MAP7: variants seen among roughly 807,000 people sequenced by gnomAD.
MAP7 encodes the protein ensconsin.
MAP7 carries 52 observed loss-of-function variants against 94.8 expected under a neutral mutation model. The observed-to-expected ratio is 0.55, with a 90% confidence interval of 0.44 to 0.69. MAP7 has a LOEUF of 0.69. Ranked by LOEUF, MAP7 falls within the 30% of genes least tolerant of loss-of-function variation. The probability of loss-of-function intolerance (pLI) is 0.00; values close to 1 mark genes in which losing one functional copy is unlikely to be tolerated. For synonymous variants in MAP7, 350 were observed against 357.0 expected, an observed-to-expected ratio of 0.98 and a Z score of 0.22; for missense variants, 940 against 964.6, an observed-to-expected ratio of 0.97 and a Z score of 0.34.
chr6:136,467,892 C>T (rs1807632111), intron 1 of MAP7, among the ~76,000 whole-genome samples: 1 of 152,154 alleles, frequency 6.6e-6, no homozygotes, highest in Non-Finnish European at 1.5e-5. Flanking sequence ...CTGAACTAGC[C>T]CCTTTGAGCA....
intron 16 of MAP7, among the ~76,000 whole-genome samples, chr6:136,347,909 TAC>T (rs1582624866): frequency 6.6e-6 from 1 of 152,168 alleles, no homozygotes; most frequent in East Asian, 1.9e-4. Flanking sequence ...TGAAATATTA[TAC>T]AGTGTGATGA....
chr6:136,378,775 A>G (rs1776945717), intron 6 of MAP7, among the ~76,000 whole-genome samples: 1 of 152,270 alleles, frequency 6.6e-6, no homozygotes, highest in South Asian at 2.1e-4. Flanking sequence ...GTGATGGCTC[A>G]TGAAAAGATA....
intron 1 of MAP7, among the ~76,000 whole-genome samples, chr6:136,430,257 T>G (rs1194530349): frequency 2.0e-5 from 3 of 152,234 alleles, no homozygotes; most frequent in Admixed American, 1.3e-4. Context: ...GAGGGTGTTT[T>G]TACTTGAATA....
chr6:136,534,234 G>C (rs1407204093), intron 1 of MAP7, among the ~76,000 whole-genome samples: 1 of 152,192 alleles, frequency 6.6e-6, no homozygotes, highest in African/African-American at 2.4e-5. Context: ...TGCTGCCACT[G>C]TGGGGACAAA....
chr6:136,419,991 C>T, intron 2 of MAP7: 2 of 750,110 alleles, frequency 2.7e-6, no homozygotes, highest in South Asian at 1.4e-5. Flanking sequence ...CTGCAAAGGA[C>T]TGTTGTGACT....
At chr6:136,478,342 G>A (rs868560995) in intron 1 of MAP7, among the ~76,000 whole-genome samples, 7 of 152,032 alleles carry the variant, frequency 4.6e-5, no homozygotes, top group African/African-American at 9.7e-5. Context: ...CACCATTTTC[G>A]GAGGCCAAGG....
intron 1 of MAP7, among the ~76,000 whole-genome samples, chr6:136,539,343 G>A (rs1414724990): frequency 6.6e-6 from 1 of 152,156 alleles, no homozygotes; most frequent in Non-Finnish European, 1.5e-5. Flanking sequence ...TGGAACCCAG[G>A]CAGCCAGACT....
At chr6:136,486,138 A>G (rs1007843458) in intron 1 of MAP7, among the ~76,000 whole-genome samples, 1 of 152,214 alleles carries the variant, frequency 6.6e-6, no homozygotes, top group Non-Finnish European at 1.5e-5. Flanking sequence ...GAAGAACTAG[A>G]GCAGCTATCT....
chr6:136,391,865 C>G (rs1337215147), intron 3 of MAP7, among the ~76,000 whole-genome samples: 1 of 152,170 alleles, frequency 6.6e-6, no homozygotes. Flanking sequence ...ATGGGAATAC[C>G]TTACTGGAAG....
At chr6:136,400,877 C>G (rs1490600358) in intron 3 of MAP7, among the ~76,000 whole-genome samples, 2 of 152,192 alleles carry the variant, frequency 1.3e-5, no homozygotes, top group African/African-American at 4.8e-5. Flanking sequence ...TCATTATCTG[C>G]ACATTCTTCC....
At chr6:136,518,352 A>G (rs1190285714) in intron 1 of MAP7, among the ~76,000 whole-genome samples, 1 of 152,174 alleles carries the variant, frequency 6.6e-6, no homozygotes, top group Admixed American at 6.5e-5. Context: ...GAATTTCCTT[A>G]CTAACAAACC....
chr6:136,475,888 T>C (rs1269009376), intron 1 of MAP7: 2 of 152,094 alleles, frequency 1.3e-5, no homozygotes, highest in African/African-American at 4.8e-5. Flanking sequence ...AATGAAGGGG[T>C]ATACTTCCCT....
At chr6:136,533,832 C>T (rs568163485) in intron 1 of MAP7, among the ~76,000 whole-genome samples, 1 of 152,320 alleles carries the variant, frequency 6.6e-6, no homozygotes, top group Admixed American at 6.5e-5. Flanking sequence ...GATCGGCTCC[C>T]ATGGCCCAGA....
chr6:136,360,902 T>G (rs1792479658), intron 12 of MAP7, 103 bp downstream of exon 12: 1 of 1,550,044 alleles, frequency 6.5e-7, no homozygotes, highest in Non-Finnish European at 8.8e-7. Flanking sequence ...GGAGAAGGTG[T>G]GGAAAGCGGG....
chr6:136,389,286 T>G, intron 4 of MAP7, 68 bp downstream of exon 4: 1 of 1,495,144 alleles, frequency 6.7e-7, no homozygotes, highest in East Asian at 2.4e-5. Context: ...ACTGCAAAGT[T>G]TCACAGAAAG....
At chr6:136,533,826 G>A (rs926808925) in intron 1 of MAP7, among the ~76,000 whole-genome samples, 3 of 152,062 alleles carry the variant, frequency 2.0e-5, no homozygotes, top group East Asian at 1.9e-4. Context: ...TCATAAGATC[G>A]GCTCCCATGG....
At position 136,396,496 on chromosome 6, in the gene MAP7, C is replaced by T. The variant is rs577046104; in HGVS notation, c.245-6979G>A. 1.6e-3 allele frequency among the ~76,000 whole-genome samples: 238 copies of T among 152,234 alleles called. 4 individuals are homozygous for T. The South Asian group carries it at 0.048, about 30-fold the overall frequency. On this transcript the variant is annotated intron_variant, in intron 3 of 17. Transcript: ENST00000354570. ...TTTATATATAAGACCATGTTGTCTG[C>T]AAGCAGGGACAATTTTACTTCCTCC...
At chr6:136,430,523 T>C (rs541985253) in intron 1 of MAP7, among the ~76,000 whole-genome samples, 1 of 152,234 alleles carries the variant, frequency 6.6e-6, no homozygotes, top group East Asian at 1.9e-4. Context: ...AATACACATA[T>C]ACACTGCTGT....
At chr6:136,447,607 A>G (rs544525629) in intron 1 of MAP7, among the ~76,000 whole-genome samples, 17 of 152,346 alleles carry the variant, frequency 1.1e-4, no homozygotes, top group Middle Eastern at 3.4e-3. Context: ...ACTTTATGAA[A>G]ATACATGTTA....
Sources: gnomAD v4.1 joint callset for allele counts (sites outside exome capture counted in the v4.1 genomes callset) on GRCh38, gnomAD v4.1.1 for gene constraint, MANE v1.5 for transcripts, NCBI Gene and HGNC (gene_info 2026-07-23, HGNC 2026-07-21) for gene names.